Variants in CNTN6 observed in about 807,000 individuals in gnomAD.
CNTN6 encodes contactin 6.
In CNTN6, 137 loss-of-function variants were observed where a neutral mutation model predicts 122.8. The observed-to-expected ratio is 1.12, with a 90% CI of 0.97 to 1.29. The LOEUF (loss-of-function observed/expected upper bound fraction) is 1.29, where lower values mean the gene tolerates loss of function less well. CNTN6 is among the 50% of genes most tolerant of loss of function. The probability of loss-of-function intolerance (pLI) is 0.00; values close to 1 mark genes in which losing one functional copy is unlikely to be tolerated. For synonymous variants in CNTN6, 570 were observed against 426.0 expected (o/e 1.34, Z -4.16); for missense variants, 1,634 against 1,223.4 (o/e 1.34, Z -5.01).
intron 1 of CNTN6, among the ~76,000 whole-genome samples, chr3:1,142,278 A>C (rs1674246930): frequency 6.6e-6 from 1 of 151,886 alleles, no homozygotes; most frequent in Non-Finnish European, 1.5e-5. Flanking sequence ...GTTTGGGTTA[A>C]GCATAATTAG....
chr3:1,155,797 C>T (rs2092948965), intron 2 of CNTN6, among the ~76,000 whole-genome samples: 1 of 152,196 alleles, frequency 6.6e-6, no homozygotes, highest in East Asian at 1.9e-4. Context: ...TTGCCTCTCC[C>T]CCCAAGACAT....
intron 17 of CNTN6, 127 bp from the exon 18 acceptor site, chr3:1,382,815 C>T (rs1692112792): frequency 3.2e-6 from 2 of 626,676 alleles, no homozygotes; most frequent in East Asian, 5.8e-5. Context: ...TTTTTTAATA[C>T]ATCATTAAAC....
chr3:1,212,938 G>GA (rs977074687), intron 2 of CNTN6, among the ~76,000 whole-genome samples: 1 of 151,768 alleles, frequency 6.6e-6, no homozygotes, highest in African/African-American at 2.4e-5. Flanking sequence ...AAATATAAAT[G>GA]AAAAAAAGGA....
intron 20 of CNTN6, among the ~76,000 whole-genome samples, chr3:1,387,968 G>C (rs544663783): frequency 7.2e-5 from 11 of 152,056 alleles, no homozygotes; most frequent in African/African-American, 2.2e-4. Flanking sequence ...ACTGCAAGGC[G>C]GCAGCGAGGC....
intron 2 of CNTN6, among the ~76,000 whole-genome samples, chr3:1,214,813 G>A (rs995927822): frequency 6.6e-6 from 1 of 152,176 alleles, no homozygotes. Context: ...CTATAGTACA[G>A]CAGTGTGATC....
intron 4 of CNTN6, among the ~76,000 whole-genome samples, chr3:1,264,526 C>A (rs988119779): frequency 7.2e-5 from 11 of 151,750 alleles, no homozygotes. Flanking sequence ...TGACTGTAAC[C>A]TATAACTTAA....
intron 1 of CNTN6, among the ~76,000 whole-genome samples, chr3:1,112,630 C>T (rs2091533344): frequency 6.6e-6 from 1 of 152,120 alleles, no homozygotes; most frequent in African/African-American, 2.4e-5. Flanking sequence ...ACAGATCTTC[C>T]CCTTAGTTCA....
chr3:1,374,361 A>G (rs1709561238), intron 16 of CNTN6, among the ~76,000 whole-genome samples: 1 of 152,124 alleles, frequency 6.6e-6, no homozygotes, highest in Non-Finnish European at 1.5e-5. Context: ...TCATTAGAGA[A>G]TCTGTAGATT....
At chr3:1,223,874 A>G (rs2094242405) in intron 3 of CNTN6, among the ~76,000 whole-genome samples, 1 of 152,086 alleles carries the variant, frequency 6.6e-6, no homozygotes, top group Admixed American at 6.6e-5. Context: ...CTTTTTATTC[A>G]TTTCCCGCAA....
intron 12 of CNTN6, among the ~76,000 whole-genome samples, chr3:1,369,135 T>A (rs1312032487): frequency 6.6e-6 from 1 of 152,222 alleles, no homozygotes; most frequent in Non-Finnish European, 1.5e-5. Flanking sequence ...TCTAGTTTCC[T>A]CTCTCTACCT....
At chr3:1,353,681 T>C (rs1706050004) in intron 12 of CNTN6, among the ~76,000 whole-genome samples, 1 of 151,664 alleles carries the variant, frequency 6.6e-6, no homozygotes, top group African/African-American at 2.4e-5. Context: ...TGCTTTATAT[T>C]TGGAAAAGTA....
chr3:1,388,262 C>T lies in CNTN6; in HGVS notation c.2704+2465C>T, dbSNP rs545296489. ...CAAGTGGGTCCCTGACCCCTGACCCCCGAGCAGCCTAACTGGGAGGCACCC... is the reference window on the plus strand; with the variant it reads ...CAAGTGGGTCCCTGACCCCTGACCCTCGAGCAGCCTAACTGGGAGGCACCC... On this transcript the variant is annotated intron_variant, in intron 20 of 22. Coordinates refer to ENST00000446702, the MANE Select transcript of CNTN6 (RefSeq NM_001289080.2). Among the ~76,000 whole-genome samples, 265 of 149,216 alleles carry T rather than the reference C, an allele frequency of 1.8e-3. 5 individuals are homozygous for T. The East Asian group carries it at 0.038, about 21-fold the overall frequency.
At chr3:1,206,256 C>T (rs1262966644) in intron 2 of CNTN6, among the ~76,000 whole-genome samples, 2 of 152,136 alleles carry the variant, frequency 1.3e-5, no homozygotes, top group Non-Finnish European at 2.9e-5. Flanking sequence ...CTCCTATCAT[C>T]TGTCTCAGCT....
At chr3:1,210,110 A>C (rs952250447) in intron 2 of CNTN6, among the ~76,000 whole-genome samples, 1 of 152,184 alleles carries the variant, frequency 6.6e-6, no homozygotes, top group African/African-American at 2.4e-5. Flanking sequence ...TCTTCACTGC[A>C]TAAAACCCTT....
At chr3:1,381,699 CCT>C (rs1575973304) in intron 17 of CNTN6, among the ~76,000 whole-genome samples, 1 of 152,062 alleles carries the variant, frequency 6.6e-6, no homozygotes, top group African/African-American at 2.4e-5. Flanking sequence ...ATTTGGATGC[CCT>C]CTCTCTAATT....
At chr3:1,278,631 G>C in intron 5 of CNTN6, 123 bp downstream of exon 5, 1 of 586,484 alleles carries the variant, frequency 1.7e-6, no homozygotes, top group South Asian at 2.7e-5. Context: ...CTCTCGTCAA[G>C]TGCATCTACT....
At chr3:1,117,799 A>G (rs1391621748) in intron 1 of CNTN6, among the ~76,000 whole-genome samples, 4 of 152,200 alleles carry the variant, frequency 2.6e-5, no homozygotes, top group African/African-American at 9.6e-5. Flanking sequence ...GAAGTAAAAG[A>G]GTAGGTTGAT....
intron 22 of CNTN6, chr3:1,402,707 G>A: frequency 2.5e-6 from 1 of 394,314 alleles, no homozygotes; most frequent in South Asian, 7.0e-5. Flanking sequence ...ACCAAAAAGA[G>A]AACAGGAAAA....
chr3:1,301,991 C>G (rs1697509665), intron 7 of CNTN6, among the ~76,000 whole-genome samples: 1 of 152,008 alleles, frequency 6.6e-6, no homozygotes, highest in Admixed American at 6.6e-5. Context: ...AGGTATTTAG[C>G]AAATGCCATA....
Sources: allele counts gnomAD v4.1 joint callset (sites outside exome capture counted in the v4.1 genomes callset), GRCh38; gene constraint gnomAD v4.1.1; transcripts MANE v1.5; gene names NCBI Gene and HGNC (gene_info 2026-07-23, HGNC 2026-07-21).